Variants in CPNE4 observed in about 807,000 individuals in gnomAD.
CPNE4 encodes the protein copine 4.
In CPNE4, 25 loss-of-function variants were observed where a neutral mutation model predicts 67.9. The ratio of observed to expected loss-of-function variants is 0.37; its 90% CI spans 0.27 to 0.51. The LOEUF is 0.51. Ranked by LOEUF, CPNE4 falls within the 20% of genes least tolerant of loss-of-function variation. The pLI is 0.93. For missense variants in CPNE4, 464 were observed against 690.8 expected, an observed-to-expected ratio of 0.67 and a Z score of 3.68; for synonymous variants, 242 against 244.9, an observed-to-expected ratio of 0.99 and a Z score of 0.11.
At chr3:131,545,527 C>T (rs1935782695) in intron 14 of CPNE4, among the ~76,000 whole-genome samples, 1 of 151,290 alleles carries the variant, frequency 6.6e-6, no homozygotes. Flanking sequence ...AATAAAAAAA[C>T]ACATATTTTC....
intron 7 of CPNE4, among the ~76,000 whole-genome samples, chr3:131,593,588 T>C (rs1180584499): frequency 1.3e-5 from 2 of 152,258 alleles, no homozygotes; most frequent in African/African-American, 2.4e-5. Context: ...TAGGGTTTTG[T>C]ACATATAGGA....
chr3:131,674,115 T>C (rs931094229), intron 6 of CPNE4, among the ~76,000 whole-genome samples: 8 of 152,136 alleles, frequency 5.3e-5, no homozygotes, highest in African/African-American at 1.2e-4. Flanking sequence ...ATGTATCACA[T>C]TGATTGATTT....
At chr3:131,786,575 G>A (rs1039986810) in intron 2 of CPNE4, among the ~76,000 whole-genome samples, 1 of 152,112 alleles carries the variant, frequency 6.6e-6, no homozygotes, top group African/African-American at 2.4e-5. Flanking sequence ...AGAAGTGAGA[G>A]TAACTTTTGA....
At chr3:131,674,029 G>A (rs756002714) in intron 6 of CPNE4, among the ~76,000 whole-genome samples, 1 of 151,870 alleles carries the variant, frequency 6.6e-6, no homozygotes, top group South Asian at 2.1e-4. Context: ...ATGAAGGGAT[G>A]TTGAATTGTA....
chr3:131,841,950 G>A (rs1040364413), intron 2 of CPNE4, among the ~76,000 whole-genome samples: 12 of 151,882 alleles, frequency 7.9e-5, no homozygotes, highest in African/African-American at 2.9e-4. Context: ...GGGTGTGTGC[G>A]TGTGTGTAAA....
intron 2 of CPNE4, among the ~76,000 whole-genome samples, chr3:131,848,093 A>G (rs1254326937): frequency 2.6e-5 from 4 of 152,150 alleles, no homozygotes; most frequent in Non-Finnish European, 4.4e-5. Context: ...GAATAAAATT[A>G]TATGATTATT....
rs369434092 is a variant in CPNE4 at position 131,660,696 on chromosome 3, T to C, written c.681+8979A>G. 9.8e-5 allele frequency among the ~76,000 whole-genome samples: 15 copies of C among 152,342 alleles called. No homozygotes were observed. The South Asian group carries it at 3.1e-3, about 32-fold the overall frequency. ...GAATTTAGGCTAGTTATTTAATCTT[T>C]GTTAGTCTCAGTTTTCCCATTTGCA... On this transcript the variant is annotated intron_variant, in intron 7 of 15. Coordinates refer to ENST00000429747, the MANE Select transcript of CPNE4 (RefSeq NM_130808.3).
At chr3:131,544,194 G>C (rs141026344) in intron 14 of CPNE4, among the ~76,000 whole-genome samples, 1 of 152,350 alleles carries the variant, frequency 6.6e-6, no homozygotes, top group African/African-American at 2.4e-5. Context: ...TTTATAGGTA[G>C]TAAGAGTGAG....
chr3:131,789,445 A>G (rs2083655159), intron 2 of CPNE4, among the ~76,000 whole-genome samples: 1 of 152,166 alleles, frequency 6.6e-6, no homozygotes, highest in Non-Finnish European at 1.5e-5. Flanking sequence ...CCTTGGTTCA[A>G]ATTTTAGCTC....
At chr3:131,676,126 G>A (rs2080561031) in intron 6 of CPNE4, among the ~76,000 whole-genome samples, 1 of 150,886 alleles carries the variant, frequency 6.6e-6, no homozygotes, top group Non-Finnish European at 1.5e-5. Flanking sequence ...TACAACCTTA[G>A]CTCACTGCAA....
chr3:131,573,153 C>G (rs148245395), intron 10 of CPNE4, among the ~76,000 whole-genome samples: 1 of 152,190 alleles, frequency 6.6e-6, no homozygotes, highest in African/African-American at 2.4e-5. Context: ...AGTCCCCAAC[C>G]TGAAACCCTA....
At chr3:131,547,057 G>A (rs554965295) in intron 14 of CPNE4, among the ~76,000 whole-genome samples, 1 of 152,244 alleles carries the variant, frequency 6.6e-6, no homozygotes, top group South Asian at 2.1e-4. Flanking sequence ...ATCTATGAAG[G>A]TTCAAATTTG....
At chr3:131,650,580 C>T (rs1305165727) in intron 7 of CPNE4, among the ~76,000 whole-genome samples, 1 of 145,132 alleles carries the variant, frequency 6.9e-6, no homozygotes, top group Admixed American at 6.7e-5. Flanking sequence ...CCCGTCTCTA[C>T]TAAAAATACA....
intron 1 of CPNE4, among the ~76,000 whole-genome samples, chr3:131,936,290 A>G (rs1176401115): frequency 6.6e-6 from 1 of 152,042 alleles, no homozygotes; most frequent in African/African-American, 2.4e-5. Context: ...AAAGGAACTC[A>G]ACACTGATGG....
At chr3:131,850,614 T>C (rs531498937) in intron 2 of CPNE4, among the ~76,000 whole-genome samples, 3 of 152,258 alleles carry the variant, frequency 2.0e-5, no homozygotes, top group South Asian at 2.1e-4. Context: ...GTAACTAAGA[T>C]TGTTCAATAA....
chr3:132,028,727 C>A (rs533056500), intron 1 of CPNE4, among the ~76,000 whole-genome samples: 1 of 151,998 alleles, frequency 6.6e-6, no homozygotes, highest in Non-Finnish European at 1.5e-5. Context: ...AATAGGGTAG[C>A]CACTACCCAC....
At chr3:131,601,025 C>T (rs1012147270) in intron 7 of CPNE4, among the ~76,000 whole-genome samples, 1 of 152,192 alleles carries the variant, frequency 6.6e-6, no homozygotes, top group African/African-American at 2.4e-5. Context: ...TTAAAGAAGT[C>T]ACTACCTTCA....
At chr3:131,801,258 G>C (rs1421788942) in intron 2 of CPNE4, among the ~76,000 whole-genome samples, 1 of 150,462 alleles carries the variant, frequency 6.6e-6, no homozygotes, top group African/African-American at 2.5e-5. Context: ...CTGCTTTCCA[G>C]ATTGAAATAG....
chr3:131,620,882 G>A (rs1940427055), intron 7 of CPNE4, among the ~76,000 whole-genome samples: 2 of 152,120 alleles, frequency 1.3e-5, no homozygotes, highest in African/African-American at 4.8e-5. Flanking sequence ...CTAATTTTGG[G>A]TTTCTAATAT....
Sources: allele counts gnomAD v4.1 joint callset (sites outside exome capture counted in the v4.1 genomes callset), GRCh38; gene constraint gnomAD v4.1.1; transcripts MANE v1.5; gene names NCBI Gene and HGNC (gene_info 2026-07-23, HGNC 2026-07-21).